MTA3: variants seen among roughly 807,000 people sequenced by gnomAD.
MTA3 encodes the protein metastasis associated 1 family member 3.
Under a neutral mutation model 83.5 loss-of-function variants are expected in MTA3, and 34 were observed. That is an observed-to-expected ratio of 0.41 (90% CI 0.31 to 0.54). The LOEUF (loss-of-function observed/expected upper bound fraction) is 0.54, where lower values mean the gene tolerates loss of function less well. Among genes scored for constraint, MTA3 ranks in the 20% least tolerant of loss-of-function variants. The pLI is 0.33. For missense variants in MTA3, 761 were observed against 726.4 expected (o/e 1.05, Z -0.55); for synonymous variants, 303 against 252.7 (o/e 1.20, Z -1.89).
intron 2 of MTA3, among the ~76,000 whole-genome samples, chr2:42,577,105 A>AAATAT (rs1211189566): frequency 2.3e-4 from 20 of 86,952 alleles, no homozygotes; most frequent in Non-Finnish European, 3.2e-4. Context: ...AAAAAAAAAA[A>AAATAT]ATATATATAT....
intron 2 of MTA3, among the ~76,000 whole-genome samples, chr2:42,522,859 A>G (rs1271685084): frequency 1.4e-5 from 2 of 146,814 alleles, no homozygotes; most frequent in African/African-American, 5.1e-5. Flanking sequence ...GGTAGGCTAG[A>G]GTGCAGTGGC....
intron 4 of MTA3, among the ~76,000 whole-genome samples, chr2:42,620,784 G>A (rs889056661): frequency 2.0e-5 from 3 of 152,170 alleles, no homozygotes; most frequent in Non-Finnish European, 2.9e-5. Context: ...ATGAGCCACT[G>A]GGCCCAGCTG....
At chr2:42,562,092 TCTCTGC>T (rs1298896474) in intron 2 of MTA3, among the ~76,000 whole-genome samples, 56 of 152,264 alleles carry the variant, frequency 3.7e-4, no homozygotes, top group Middle Eastern at 3.4e-3. Context: ...ATAAGTCCCA[TCTCTGC>T]GTCTCCCTTC....
chr2:42,711,815 T>TGTGTGTGTGTGTGTGTGTG (rs1558610257), intron 14 of MTA3, among the ~76,000 whole-genome samples: 5 of 151,602 alleles, frequency 3.3e-5, no homozygotes, highest in African/African-American at 9.7e-5. Context: ...TGTGTGTGTG[T>TGTGTGTGTGTGTGTGTGTG]TTTCCAGTAA....
intron 1 of MTA3, 90 bp downstream of exon 1, chr2:42,568,863 A>G (rs983649415): frequency 8.5e-7 from 1 of 1,176,258 alleles, no homozygotes. Context: ...CCGGGAGCCA[A>G]GGGCGCCGGG....
At chr2:42,717,936 G>A (rs996095954) in intron 14 of MTA3, among the ~76,000 whole-genome samples, 5 of 151,978 alleles carry the variant, frequency 3.3e-5, no homozygotes, top group South Asian at 2.1e-4. Flanking sequence ...TGTGCTTTAC[G>A]GCGATTATTT....
intron 2 of MTA3, among the ~76,000 whole-genome samples, chr2:42,574,008 A>T (rs1678769561): frequency 6.8e-6 from 1 of 146,886 alleles, no homozygotes; most frequent in Admixed American, 6.9e-5. Flanking sequence ...TTATTTATTT[A>T]TTATTTATTA....
At chr2:42,506,971 T>C (rs957114751) in intron 2 of MTA3, among the ~76,000 whole-genome samples, 4 of 152,156 alleles carry the variant, frequency 2.6e-5, no homozygotes, top group Non-Finnish European at 5.9e-5. Flanking sequence ...GGTGCAATTA[T>C]AGGTCACTGT....
chr2:42,700,964 GGCAAAT>G (rs1693811352), intron 11 of MTA3, among the ~76,000 whole-genome samples: 1 of 152,108 alleles, frequency 6.6e-6, no homozygotes, highest in South Asian at 2.1e-4. Flanking sequence ...CAGACATGGA[GGCAAAT>G]GCCTGTAGGC....
rs377350474 is a variant in MTA3, at chr2:42,647,191, T to C, written c.499+2947T>C. Among the ~76,000 whole-genome samples the C allele has an allele frequency of 1.1e-4, 12 of 110,448 alleles. No homozygotes were observed. In the South Asian group the frequency reaches 1.6e-3, roughly 15 times the overall value. The allele number at this position is 110,448 out of a possible 152,430, so 72.5% of individuals were successfully genotyped here. ...AACAAAAAAGAAAGGAAGTCTACCA[T>C]AGGTAAAATGCTATTGAGCATCACA... On this transcript the variant is annotated intron_variant, in intron 6 of 16. Transcript: ENST00000405094.
At chr2:42,643,903 C>G (rs191682448) in intron 5 of MTA3, among the ~76,000 whole-genome samples, 321 of 152,298 alleles carry the variant, frequency 2.1e-3, no homozygotes, top group Non-Finnish European at 3.0e-3. Context: ...ACTTTATAAT[C>G]TACTTTGTTT....
intron 2 of MTA3, among the ~76,000 whole-genome samples, chr2:42,505,002 G>A (rs192316024): frequency 1.3e-5 from 2 of 151,998 alleles, no homozygotes; most frequent in Non-Finnish European, 2.9e-5. Flanking sequence ...TGCTCTGTAC[G>A]ATGGCTAAGC....
chr2:42,594,988 C>T (rs528580147), intron 3 of MTA3, among the ~76,000 whole-genome samples: 1 of 147,566 alleles, frequency 6.8e-6, no homozygotes, highest in Non-Finnish European at 1.5e-5. Flanking sequence ...CTCCTGACCT[C>T]ATGATCTGCC....
intron 4 of MTA3, among the ~76,000 whole-genome samples, chr2:42,618,683 C>T (rs1316113050): frequency 6.6e-6 from 1 of 152,112 alleles, no homozygotes; most frequent in Non-Finnish European, 1.5e-5. Context: ...ACATAGCTCA[C>T]TGTGGCCTCC....
intron 2 of MTA3, among the ~76,000 whole-genome samples, chr2:42,498,807 T>C (rs1453417855): frequency 6.6e-6 from 1 of 152,168 alleles, no homozygotes; most frequent in African/African-American, 2.4e-5. Flanking sequence ...TATAACAGAA[T>C]TGAAAACTCC....
At chr2:42,707,012 C>T (rs1666153881) in intron 12 of MTA3, among the ~76,000 whole-genome samples, 1 of 140,106 alleles carries the variant, frequency 7.1e-6, no homozygotes, top group Admixed American at 7.1e-5. Flanking sequence ...CCCTCTGTAA[C>T]CCAGGCTGGA....
intron 2 of MTA3, among the ~76,000 whole-genome samples, chr2:42,500,871 C>T (rs1473428535): frequency 1.4e-5 from 2 of 145,572 alleles, no homozygotes; most frequent in Admixed American, 7.1e-5. Flanking sequence ...AGTGTGGTGG[C>T]GTGATCTCGG....
intron 2 of MTA3, among the ~76,000 whole-genome samples, chr2:42,516,471 C>G (rs1332518923): frequency 6.6e-6 from 1 of 152,150 alleles, no homozygotes; most frequent in Non-Finnish European, 1.5e-5. Context: ...CAGGTTACTC[C>G]TTTTCTCCTT....
rs1670078733 is a variant in MTA3, at chr2:42,754,072, T to C, written c.*673T>C. The C allele has an allele frequency of 1.0e-6, 1 of 985,372 alleles. No individual in the cohort carries two copies. 61.0% of individuals were successfully genotyped at this position (985,372 alleles called of 1,614,324 possible). ...GACAAAAGATAAGCCTGTAAACTCATCATCTGTGTTTTGTGGTTGGAGAGA... is the reference window on the plus strand; with the variant it reads ...GACAAAAGATAAGCCTGTAAACTCACCATCTGTGTTTTGTGGTTGGAGAGA... On this transcript the variant is annotated 3_prime_UTR_variant, in exon 17 of 17. Coordinates refer to ENST00000405094, the MANE Select transcript of MTA3 (RefSeq NM_001330442.2).
Sources: allele counts gnomAD v4.1 joint callset (sites outside exome capture counted in the v4.1 genomes callset), GRCh38; gene constraint gnomAD v4.1.1; transcripts MANE v1.5; gene names NCBI Gene and HGNC (gene_info 2026-07-23, HGNC 2026-07-21).